The following MARCHF1 variants were observed in gnomAD, a reference collection of about 807,000 sequenced individuals.
MARCHF1 encodes the protein E3 ubiquitin-protein ligase MARCHF1.
MARCHF1 carries 40 observed loss-of-function variants against 54.2 expected under a neutral mutation model. The ratio of observed to expected loss-of-function variants is 0.74; its 90% confidence interval spans 0.57 to 0.96. The LOEUF is 0.96. MARCHF1 is among the 40% of genes least tolerant of loss of function. The probability of loss-of-function intolerance (pLI) is 0.00; values close to 1 mark genes in which losing one functional copy is unlikely to be tolerated. For synonymous variants in MARCHF1, 236 were observed against 236.3 expected (o/e 1.00, Z 0.01); for missense variants, 586 against 656.5 (o/e 0.89, Z 1.17).
intron 5 of MARCHF1, among the ~76,000 whole-genome samples, chr4:163,637,398 A>T (rs1742376232): frequency 6.6e-6 from 1 of 152,052 alleles, no homozygotes; most frequent in Non-Finnish European, 1.5e-5. Context: ...ACAAATTTAC[A>T]AGAAAAAAAC....
intron 1 of MARCHF1, among the ~76,000 whole-genome samples, chr4:164,379,839 G>C (rs1031415548): frequency 3.9e-5 from 6 of 152,006 alleles, no homozygotes; most frequent in Non-Finnish European, 8.8e-5. Context: ...AGCCAGGCAT[G>C]GTGCTAGTCA....
chr4:164,309,280 GTGT>G (rs1269551272), intron 1 of MARCHF1, among the ~76,000 whole-genome samples: 1 of 151,720 alleles, frequency 6.6e-6, no homozygotes, highest in East Asian at 1.9e-4. Context: ...GTGTGTGTGT[GTGT>G]GCGCGTGTGT....
At chr4:164,333,250 G>A (rs1729616267) in intron 1 of MARCHF1, among the ~76,000 whole-genome samples, 1 of 151,994 alleles carries the variant, frequency 6.6e-6, no homozygotes, top group South Asian at 2.1e-4. Context: ...ATATAAATAT[G>A]TATATATTTT....
chr4:163,595,542 T>C (rs773252539), intron 7 of MARCHF1, among the ~76,000 whole-genome samples: 8 of 152,064 alleles, frequency 5.3e-5, no homozygotes, highest in African/African-American at 1.9e-4. Context: ...ATATACACAA[T>C]GAAATATTAT....
intron 4 of MARCHF1, among the ~76,000 whole-genome samples, chr4:163,743,502 T>C (rs1171211469): frequency 6.6e-6 from 1 of 152,138 alleles, no homozygotes. Flanking sequence ...GGACACTAAT[T>C]ACCCACACCT....
chr4:164,007,191 A>G (rs988869147), intron 2 of MARCHF1, among the ~76,000 whole-genome samples: 27 of 150,328 alleles, frequency 1.8e-4, no homozygotes, highest in Non-Finnish European at 3.7e-4. Flanking sequence ...CTAAAAATAC[A>G]AAAAATTAGC....
rs145282779 is a variant in MARCHF1, at chr4:164,338,877, C to T, written c.-323+44993G>A. ...ATCCCAGCTACTTGGGAGGCTGAGG[C>T]AGGAGAATCGCTTGAACCTGGGAGG... On this transcript the variant is annotated intron_variant, in intron 1 of 9. Coordinates refer to ENST00000514618, the MANE Select transcript of MARCHF1 (RefSeq NM_001394959.1). 1.3e-3 allele frequency among the ~76,000 whole-genome samples: 200 copies of T among 152,180 alleles called. 5 individuals carry two copies. In the East Asian group the frequency reaches 0.034, roughly 26 times the overall value.
At chr4:164,032,387 G>T (rs902291551) in intron 2 of MARCHF1, among the ~76,000 whole-genome samples, 2 of 152,066 alleles carry the variant, frequency 1.3e-5, no homozygotes, top group Non-Finnish European at 2.9e-5. Flanking sequence ...TTTTGGATTT[G>T]CTTGCCCTTG....
intron 4 of MARCHF1, among the ~76,000 whole-genome samples, chr4:163,787,146 A>C (rs1747645074): frequency 1.3e-5 from 2 of 151,908 alleles, no homozygotes; most frequent in South Asian, 4.1e-4. Context: ...AAAAGGAGAA[A>C]AGATTTCAGC....
chr4:163,723,686 C>T (rs1055980974), intron 4 of MARCHF1, among the ~76,000 whole-genome samples: 3 of 152,180 alleles, frequency 2.0e-5, no homozygotes, highest in African/African-American at 7.2e-5. Context: ...TTGGTCTTTT[C>T]ACATAGTCCC....
intron 5 of MARCHF1, among the ~76,000 whole-genome samples, chr4:163,660,964 A>T (rs1397269094): frequency 6.6e-6 from 1 of 151,988 alleles, no homozygotes; most frequent in African/African-American, 2.4e-5. Context: ...CAGCTCATTG[A>T]GGTATTATAT....
chr4:164,303,060 T>C lies in MARCHF1; in HGVS notation c.-323+80810A>G, dbSNP rs184133269. On this transcript the variant is annotated intron_variant, in intron 1 of 9. Transcript: ENST00000514618. The stretch of plus-strand genomic sequence containing the variant: ...ATAGATGTTCATCTTTCTGGAGTGG[T>C]TGGACACCATTACTTCCACAGGCTC... Among the ~76,000 whole-genome samples the C allele has an allele frequency of 3.4e-3, 523 of 152,210 alleles. 1 individual carries two copies. Among genetic ancestry groups the C allele is most frequent in the Middle Eastern group, 6.8e-3 (2 of 294 alleles).
chr4:164,315,289 T>G (rs947306231), intron 1 of MARCHF1, among the ~76,000 whole-genome samples: 1 of 145,564 alleles, frequency 6.9e-6, no homozygotes, highest in Non-Finnish European at 1.5e-5. Context: ...TACAATGCCA[T>G]CTTGTAGAAA....
At chr4:163,761,463 A>G (rs941349231) in intron 4 of MARCHF1, among the ~76,000 whole-genome samples, 5 of 152,182 alleles carry the variant, frequency 3.3e-5, no homozygotes, top group Admixed American at 6.6e-5. Flanking sequence ...GCTGAGGTCC[A>G]TTGTCCTTGA....
Position 163,965,416 on chromosome 4 carries a change from G to T in MARCHF1, c.-39+23085C>A, listed in dbSNP as rs888308186. Among the ~76,000 whole-genome samples, 37 of 152,090 alleles carry T rather than the reference G, an allele frequency of 2.4e-4. 1 individual carries two copies. Among genetic ancestry groups the T allele is most frequent in the African/African-American group, 7.0e-4 (29 of 41,530 alleles). Reference sequence around the variant, plus strand: ...TTATTTTCAGCATCCCCATTTTATAGATGAGGAAACTAATATATATGACGG... The same window carrying T: ...TTATTTTCAGCATCCCCATTTTATATATGAGGAAACTAATATATATGACGG... On this transcript the variant is annotated intron_variant, in intron 3 of 9. Transcript: ENST00000514618.
intron 2 of MARCHF1, among the ~76,000 whole-genome samples, chr4:164,092,151 C>T (rs988783755): frequency 5.9e-5 from 9 of 152,040 alleles, no homozygotes; most frequent in African/African-American, 1.9e-4. Context: ...AATGATTGTA[C>T]CAGTAGTCAG....
chr4:164,260,977 C>A (rs1480671033), intron 1 of MARCHF1, among the ~76,000 whole-genome samples: 1 of 152,114 alleles, frequency 6.6e-6, no homozygotes, highest in East Asian at 1.9e-4. Context: ...TAATCTCATG[C>A]AATCTTCATG....
At chr4:164,371,956 A>G (rs970033916) in intron 1 of MARCHF1, among the ~76,000 whole-genome samples, 2 of 152,222 alleles carry the variant, frequency 1.3e-5, no homozygotes, top group African/African-American at 4.8e-5. Flanking sequence ...CACTCAAATT[A>G]TATTTTAAAG....
At chr4:163,533,139 T>C (rs929959256) in intron 9 of MARCHF1, among the ~76,000 whole-genome samples, 2 of 151,302 alleles carry the variant, frequency 1.3e-5, no homozygotes, top group African/African-American at 4.8e-5. Context: ...TAAACTGTGA[T>C]ACATCCATGT....
Sources: gnomAD v4.1 joint callset for allele counts (sites outside exome capture counted in the v4.1 genomes callset) on GRCh38, gnomAD v4.1.1 for gene constraint, MANE v1.5 for transcripts, NCBI Gene and HGNC (gene_info 2026-07-23, HGNC 2026-07-21) for gene names.